The following SYNE1 variants were observed in gnomAD, a reference collection of about 807,000 sequenced individuals.
SYNE1 encodes the protein nesprin-1.
In SYNE1, 616 loss-of-function variants were observed where a neutral mutation model predicts 1,111.0. The ratio of observed to expected loss-of-function variants is 0.55; its 90% CI spans 0.52 to 0.59. The LOEUF (loss-of-function observed/expected upper bound fraction) is 0.59. Ranked by LOEUF, SYNE1 falls within the 20% of genes least tolerant of loss-of-function variation. SYNE1 has a pLI of 0.00. For missense variants in SYNE1, 10,006 were observed against 10,417.0 expected, an observed-to-expected ratio of 0.96 and a Z score of 1.72; for synonymous variants, 3,855 against 3,825.8, an observed-to-expected ratio of 1.01 and a Z score of -0.28.
At chr6:152,592,815 C>T (rs762607759) in intron 3 of SYNE1, among the ~76,000 whole-genome samples, 4 of 152,168 alleles carry the variant, frequency 2.6e-5, no homozygotes, top group Non-Finnish European at 2.9e-5. Context: ...CCGGATTATC[C>T]ATCATATCAC....
rs372168195 is a variant in SYNE1, at chr6:152,455,502, A to G, written c.2816T>C (p.Leu939Ser). Residue 939 changes from leucine (L) to serine (S), a missense_variant, in exon 24 of 146, where the codon TTG (leucine) becomes TCG (serine). Coordinates refer to ENST00000367255, the MANE Select transcript of SYNE1 (RefSeq NM_182961.4). ...MKKFEESRAELEKVLRIAQEG... is the reference protein window; with the variant it reads ...MKKFEESRAESEKVLRIAQEG... Reference sequence around the variant, plus strand: ...CTGAGCAATCCGCAGTACCTTCTCCAACTCTGCTCGAGACTCCTCAAACTT... The same window carrying G: ...CTGAGCAATCCGCAGTACCTTCTCCGACTCTGCTCGAGACTCCTCAAACTT... 3.7e-6 allele frequency: 6 copies of G among 1,613,982 alleles called. No individual in the cohort carries two copies. The highest frequency in any genetic ancestry group is 2.7e-5 in the African/African-American group (2 of 74,882).
intron 51 of SYNE1, 122 bp downstream of exon 51, chr6:152,395,394 G>T: frequency 2.0e-6 from 2 of 982,744 alleles, no homozygotes; most frequent in Admixed American, 2.2e-5. Flanking sequence ...AGACATTCAA[G>T]GACAGCACAA....
chr6:152,460,875 C>T (rs183342), intron 21 of SYNE1, among the ~76,000 whole-genome samples: 39,649 of 139,194 alleles, frequency 0.28, 5,719 homozygotes, highest in Middle Eastern at 0.41. Context: ...TGAAATGGCG[C>T]GATCTGGGCT....
In SYNE1 at chr6:152,596,263, T is replaced by A. The variant is rs866674253; in HGVS notation, c.67+32002A>T. 7.3e-3 allele frequency among the ~76,000 whole-genome samples: 819 copies of A among 111,966 alleles called. 11 individuals are homozygous for A. Among genetic ancestry groups the A allele is most frequent in the African/African-American group, 0.028 (759 of 26,846 alleles). 73.5% of individuals were successfully genotyped at this position (111,966 alleles called of 152,430 possible). A position where few individuals can be genotyped will look rare whatever the true frequency, so the allele number is the denominator to read the frequency against. On this transcript the variant is annotated intron_variant, in intron 3 of 145. Coordinates refer to ENST00000367255, the MANE Select transcript of SYNE1 (RefSeq NM_182961.4). Reference sequence around the variant, plus strand: ...AAAAAGTTATGATTACAGTTTTTTGTTTGTTTGTTTTTTTTTTTTTTTGAG... The same window carrying A: ...AAAAAGTTATGATTACAGTTTTTTGATTGTTTGTTTTTTTTTTTTTTTGAG...
intron 83 of SYNE1, 81 bp from the exon 84 acceptor site, chr6:152,321,471 A>G: frequency 2.6e-6 from 4 of 1,511,624 alleles, no homozygotes; most frequent in Non-Finnish European, 3.6e-6. Flanking sequence ...TTTTTCATCA[A>G]CATATAATTA....
rs188039151 is a variant in SYNE1 at position 152,216,866 on chromosome 6, C to T, written c.22191+1391G>A. Among the ~76,000 whole-genome samples the T allele has an allele frequency of 2.6e-3, 386 of 150,320 alleles. 1 individual carries two copies. Among genetic ancestry groups the T allele is most frequent in the African/African-American group, 5.7e-3 (235 of 40,872 alleles). On this transcript the variant is annotated intron_variant, in intron 121 of 145. Transcript: ENST00000367255. Reference sequence around the variant, plus strand: ...GTCAGGAGTTCGAGACCAGCCTGGCCAACATAGTGAACCACCCCCCTCTCC... The same window carrying T: ...GTCAGGAGTTCGAGACCAGCCTGGCTAACATAGTGAACCACCCCCCTCTCC...
In SYNE1 at chr6:152,409,615, T is replaced by C; in HGVS notation, c.6325A>G (p.Ile2109Val). Reference sequence around the variant, plus strand: ...TCTTTTATGGTAGTTCTGGTTACAATCACACTGCTGGCATTTTCTAAGACT... The same window carrying C: ...TCTTTTATGGTAGTTCTGGTTACAACCACACTGCTGGCATTTTCTAAGACT... Reference protein sequence around the residue: ...SKVLENASSVIVTRTTIKDQE... With the variant: ...SKVLENASSVVVTRTTIKDQE... Residue 2109 changes from isoleucine (I) to valine (V), a missense_variant, in exon 43 of 146, where the codon ATT becomes GTT. Around this residue, in one of 7 missense-constraint regions of SYNE1, gnomAD observed 4,955 missense variants for 5,017.2 expected, o/e 0.99. Coordinates refer to ENST00000367255, the MANE Select transcript of SYNE1 (RefSeq NM_182961.4). 1 of 1,613,930 alleles carries C rather than the reference T, an allele frequency of 6.2e-7. No homozygotes were observed.
Position 152,409,607 on chromosome 6 carries a change from G to A in SYNE1, c.6333C>T (p.Thr2111=). The A allele has an allele frequency of 6.2e-7, 1 of 1,613,812 alleles. No homozygotes were observed. Among genetic ancestry groups the A allele is most frequent in the Non-Finnish European group, 8.5e-7 (1 of 1,179,940 alleles). The stretch of plus-strand genomic sequence containing the variant: ...CCTCCTGATCTTTTATGGTAGTTCT[G>A]GTTACAATCACACTGCTGGCATTTT... ...VLENASSVIV[T]RTTIKDQEDL... The change falls in exon 43 of 146, where the codon ACC becomes ACT. Residue 2111 remains threonine, a synonymous_variant. Transcript: ENST00000367255.
intron 3 of SYNE1, among the ~76,000 whole-genome samples, chr6:152,625,285 CCT>C (rs1361811282): frequency 2.0e-5 from 3 of 152,090 alleles, no homozygotes; most frequent in African/African-American, 7.2e-5. Flanking sequence ...GAGATTGGCC[CCT>C]CTTTGGACTT....
intron 10 of SYNE1, among the ~76,000 whole-genome samples, chr6:152,500,666 T>C (rs1036357155): frequency 4.6e-5 from 7 of 152,100 alleles, no homozygotes; most frequent in African/African-American, 1.7e-4. Flanking sequence ...AGAAAACATA[T>C]TGACCAGGTG....
chr6:152,224,105 C>T, intron 117 of SYNE1, among the ~76,000 whole-genome samples: 1 of 152,148 alleles, frequency 6.6e-6, no homozygotes, highest in African/African-American at 2.4e-5. Context: ...ACCACTTTTG[C>T]CGTTTTTCTC....
intron 2 of SYNE1, among the ~76,000 whole-genome samples, chr6:152,632,291 A>G (rs1455502254): frequency 6.6e-6 from 1 of 151,754 alleles, no homozygotes; most frequent in Non-Finnish European, 1.5e-5. Context: ...TCCCCAGAAA[A>G]CCTCTTCCTC....
In SYNE1 at chr6:152,284,185, C is replaced by T. The variant is rs2094190759; in HGVS notation, c.18013-13G>A. 1 of 1,613,858 alleles carries T rather than the reference C, an allele frequency of 6.2e-7. No individual in the cohort carries two copies. Among genetic ancestry groups the T allele is most frequent in the East Asian group, 2.2e-5 (1 of 44,874 alleles). ...CATCCATCAATGCCTGGAGGAAAGA[C>T]TGTGGAATCACACTCATGTATTCAT... On this transcript the variant is annotated splice_polypyrimidine_tract_variant and intron_variant, in intron 95 of 145. Transcript: ENST00000367255.
In SYNE1 at chr6:152,560,724, G is replaced by A. The variant is rs144064132; in HGVS notation, c.68-20703C>T. ...AACCAAATTCAACATGACCATGGTC[G>A]ATGGGATTTATACCTGAGATTCAAG... On this transcript the variant is annotated intron_variant, in intron 3 of 145. Transcript: ENST00000367255. Among the ~76,000 whole-genome samples the A allele has an allele frequency of 2.0e-4, 31 of 152,190 alleles. No individual in the cohort carries two copies. In the East Asian group the frequency reaches 4.2e-3, roughly 21 times the overall value.
chr6:152,433,854 C>A lies in SYNE1; in HGVS notation c.4402G>T (p.Glu1468Ter). 2.5e-6 allele frequency: 4 copies of A among 1,613,822 alleles called. No homozygotes were observed. Among genetic ancestry groups the A allele is most frequent in the Non-Finnish European group, 3.4e-6 (4 of 1,179,796 alleles). The change falls in exon 34 of 146, where the codon GAA (glutamate) becomes TAA (stop). Residue 1468 changes from glutamate to a stop codon, truncating the protein, a stop_gained. Coordinates refer to ENST00000367255, the MANE Select transcript of SYNE1 (RefSeq NM_182961.4). LOFTEE classifies it high-confidence loss of function. Reference sequence around the variant, plus strand: ...GACGAAGTTTCCAAGGCATTGAGTTCTTTTTCTTTCTCAGTTATCCAGACG... The same window carrying A: ...GACGAAGTTTCCAAGGCATTGAGTTATTTTTCTTTCTCAGTTATCCAGACG... ...LSVWITEKEK[E>*]LNALETSSSA...
intron 9 of SYNE1, 94 bp from the exon 10 acceptor site, chr6:152,502,836 C>T (rs1403932004): frequency 1.0e-6 from 1 of 970,746 alleles, no homozygotes; most frequent in African/African-American, 1.6e-5. Flanking sequence ...ACCAAAAACG[C>T]TAAACGCAGA....
chr6:152,439,234 C>T (rs2098504749), intron 32 of SYNE1, among the ~76,000 whole-genome samples: 4 of 152,154 alleles, frequency 2.6e-5, no homozygotes, highest in African/African-American at 9.7e-5. Flanking sequence ...TTGTTTCAAT[C>T]TACAGGTACT....
chr6:152,562,482 T>C (rs1266940878), intron 3 of SYNE1, among the ~76,000 whole-genome samples: 9 of 152,144 alleles, frequency 5.9e-5, no homozygotes, highest in Non-Finnish European at 1.0e-4. Context: ...TGGAAAACAG[T>C]ATGAAGATTT....
In SYNE1 at chr6:152,213,658, A is replaced by C; in HGVS notation, c.22448T>G (p.Ile7483Ser). Reference sequence around the variant, plus strand: ...CAAAAGGTGCTGATAATTTCCTGAAATCTCTACTGCTAACTTTTGTTCTGT... The same window carrying C: ...CAAAAGGTGCTGATAATTTCCTGAACTCTCTACTGCTAACTTTTGTTCTGT... Reference protein sequence around the residue: ...VQTEQKLAVEISGNYQHLLEQ... With the variant: ...VQTEQKLAVESSGNYQHLLEQ... Residue 7483 changes from isoleucine to serine, a missense_variant, in exon 123 of 146, where the codon ATT becomes AGT. Ile to Ser is a moderately radical substitution (Grantham distance 142, BLOSUM62 -2). Around this residue, in one of 7 missense-constraint regions of SYNE1, gnomAD observed 2,182 missense variants for 2,287.8 expected, o/e 0.95. Coordinates refer to ENST00000367255, the MANE Select transcript of SYNE1 (RefSeq NM_182961.4). The C allele has an allele frequency of 1.2e-6, 2 of 1,614,056 alleles. No homozygotes were observed. The highest frequency in any genetic ancestry group is 1.7e-6 in the Non-Finnish European group (2 of 1,179,982).
Sources: gnomAD v4.1 joint callset for allele counts (sites outside exome capture counted in the v4.1 genomes callset) on GRCh38, gnomAD v4.1.1 for gene constraint, gnomAD v4.1.1 regional missense constraint, MANE v1.5 for transcripts, NCBI Gene and HGNC (gene_info 2026-07-23, HGNC 2026-07-21) for gene names.